ADAMTSL1: variants seen among roughly 807,000 people sequenced by gnomAD.
The protein encoded by ADAMTSL1 is ADAMTS-like protein 1.
ADAMTSL1 carries 126 observed loss-of-function variants against 201.8 expected under a neutral mutation model. The observed-to-expected ratio is 0.62, with a 90% CI of 0.54 to 0.72. The LOEUF (loss-of-function observed/expected upper bound fraction) is 0.72. ADAMTSL1 is among the 30% of genes least tolerant of loss of function. ADAMTSL1 has a pLI of 0.00. For missense variants in ADAMTSL1, 2,679 were observed against 2,277.8 expected (o/e 1.18, Z -3.59); for synonymous variants, 1,121 against 903.4 (o/e 1.24, Z -4.32).
At chr9:18,477,413 G>GTCAAACACAA (rs1821507666) in intron 1 of ADAMTSL1, among the ~76,000 whole-genome samples, 1 of 152,134 alleles carries the variant, frequency 6.6e-6, no homozygotes, top group South Asian at 2.1e-4. Context: ...ATGGCAACTA[G>GTCAAACACAA]TCAAACACAA....
intron 2 of ADAMTSL1, among the ~76,000 whole-genome samples, chr9:18,431,269 G>C (rs554781101): frequency 6.6e-6 from 1 of 152,204 alleles, no homozygotes; most frequent in Non-Finnish European, 1.5e-5. Flanking sequence ...TGCAGATGCA[G>C]TAGAGTGCTG....
intron 4 of ADAMTSL1, among the ~76,000 whole-genome samples, chr9:18,580,361 C>G (rs1823021493): frequency 6.6e-6 from 1 of 152,106 alleles, no homozygotes; most frequent in African/African-American, 2.4e-5. Context: ...ATGATTATTT[C>G]TCCATCTCTG....
chr9:18,075,672 C>T (rs757063551), intron 1 of ADAMTSL1, among the ~76,000 whole-genome samples: 14 of 152,146 alleles, frequency 9.2e-5, no homozygotes, highest in Non-Finnish European at 1.0e-4. Flanking sequence ...TAGCCAACAT[C>T]GGAAAATGGA....
chr9:18,447,885 C>G (rs751444284), intron 2 of ADAMTSL1, among the ~76,000 whole-genome samples: 21 of 152,164 alleles, frequency 1.4e-4, no homozygotes, highest in Non-Finnish European at 2.9e-4. Flanking sequence ...TTGCAGGTGT[C>G]GAGCACACAT....
intron 1 of ADAMTSL1, among the ~76,000 whole-genome samples, chr9:17,992,516 G>A (rs2131503341): frequency 6.6e-6 from 1 of 152,266 alleles, no homozygotes; most frequent in Middle Eastern, 3.4e-3. Flanking sequence ...GAAGCTGGAT[G>A]CAGTGATCCC....
intron 1 of ADAMTSL1, among the ~76,000 whole-genome samples, chr9:18,103,849 T>G (rs766895823): frequency 2.0e-5 from 3 of 152,158 alleles, no homozygotes; most frequent in Non-Finnish European, 4.4e-5. Flanking sequence ...ACTAGACCCA[T>G]AGGTGGTCTA....
intron 2 of ADAMTSL1, among the ~76,000 whole-genome samples, chr9:18,172,213 A>T (rs1230934329): frequency 1.3e-5 from 2 of 152,030 alleles, no homozygotes; most frequent in African/African-American, 4.8e-5. Flanking sequence ...CAACCATGGC[A>T]CGTGTATACC....
intron 3 of ADAMTSL1, among the ~76,000 whole-genome samples, chr9:18,554,219 T>C (rs1820968079): frequency 6.6e-6 from 1 of 151,778 alleles, no homozygotes; most frequent in Admixed American, 6.6e-5. Flanking sequence ...CTTTCAAAAT[T>C]CTTCTTAAAA....
In ADAMTSL1 at chr9:18,416,238, ACCTAGTTCT is replaced by A. The variant is rs369719394; in HGVS notation, c.208-88589_208-88581del. Among the ~76,000 whole-genome samples, 459 of 152,160 alleles carry A rather than the reference ACCTAGTTCT, an allele frequency of 3.0e-3. 1 individual carries two copies. The highest frequency in any genetic ancestry group is 0.01 in the African/African-American group (434 of 41,566). On this transcript the variant is annotated intron_variant, in intron 2 of 29. Transcript: ENST00000680146. Reference sequence around the variant, plus strand: ...GTAGTATGGAAGTTATAACGTAGGTACCTAGTTCTCATGAGAGCTATTGTGATATCACTT... The same window carrying A: ...GTAGTATGGAAGTTATAACGTAGGTACATGAGAGCTATTGTGATATCACTT...
chr9:18,377,849 T>C (rs1563922434), intron 2 of ADAMTSL1, among the ~76,000 whole-genome samples: 1 of 152,192 alleles, frequency 6.6e-6, no homozygotes, highest in Non-Finnish European at 1.5e-5. Context: ...ATTACAGGCA[T>C]GAGTCACCAT....
rs1016263361 is a variant in ADAMTSL1 at position 18,227,270 on chromosome 9, T to C, written c.207+63289T>C. Among the ~76,000 whole-genome samples the C allele has an allele frequency of 2.6e-5, 4 of 152,262 alleles. No homozygotes were observed. In the East Asian group the frequency reaches 5.8e-4, roughly 22 times the overall value. Reference sequence around the variant, plus strand: ...CTCAGCAGTTATGGAATACCTACCATGTATATGATGCTTGGCTCTGTGCAT... The same window carrying C: ...CTCAGCAGTTATGGAATACCTACCACGTATATGATGCTTGGCTCTGTGCAT... On this transcript the variant is annotated intron_variant, in intron 2 of 29. Coordinates refer to the ADAMTSL1 transcript ENST00000680146.
At chr9:18,050,304 C>A (rs1821874758) in intron 1 of ADAMTSL1, among the ~76,000 whole-genome samples, 1 of 152,000 alleles carries the variant, frequency 6.6e-6, no homozygotes, top group South Asian at 2.1e-4. Flanking sequence ...GTATTCCTTT[C>A]TAAAAGTAAA....
chr9:18,549,232 A>C (rs1012597103), intron 3 of ADAMTSL1, among the ~76,000 whole-genome samples: 16 of 151,968 alleles, frequency 1.1e-4, no homozygotes, highest in Non-Finnish European at 1.3e-4. Context: ...CTACCAGAGA[A>C]AAGACAGAGT....
At chr9:18,460,888 A>G (rs113061445) in intron 2 of ADAMTSL1, among the ~76,000 whole-genome samples, 3,192 of 152,268 alleles carry the variant, frequency 0.021, 104 homozygotes, top group African/African-American at 0.072. Flanking sequence ...AATAATAAGA[A>G]ACCTAAATCA....
intron 19 of ADAMTSL1, among the ~76,000 whole-genome samples, chr9:18,785,324 C>T (rs1269912604): frequency 6.6e-6 from 1 of 152,204 alleles, no homozygotes; most frequent in African/African-American, 2.4e-5. Context: ...AATTAACATT[C>T]AATATTCTAG....
At chr9:18,378,040 T>C (rs566275906) in intron 2 of ADAMTSL1, among the ~76,000 whole-genome samples, 2 of 152,188 alleles carry the variant, frequency 1.3e-5, no homozygotes, top group East Asian at 1.9e-4. Context: ...CCCCCGATGA[T>C]GAGAACTTGA....
intron 1 of ADAMTSL1, among the ~76,000 whole-genome samples, chr9:17,938,506 T>C (rs1827104145): frequency 1.3e-5 from 2 of 152,170 alleles, no homozygotes; most frequent in Admixed American, 6.6e-5. Flanking sequence ...TTCTTCTTCA[T>C]TGTGTCAGGT....
chr9:18,286,996 G>T (rs992874053), intron 2 of ADAMTSL1, among the ~76,000 whole-genome samples: 12 of 152,038 alleles, frequency 7.9e-5, no homozygotes, highest in African/African-American at 2.9e-4. Context: ...GCCAGGATAG[G>T]CCAAGGGTAA....
At chr9:17,924,868 C>A (rs1660791757) in intron 1 of ADAMTSL1, among the ~76,000 whole-genome samples, 1 of 82,350 alleles carries the variant, frequency 1.2e-5, no homozygotes, top group Non-Finnish European at 2.5e-5. Context: ...TCTAATTAAA[C>A]TAAAGAGCTT....
Sources: gnomAD v4.1 joint callset for allele counts (sites outside exome capture counted in the v4.1 genomes callset) on GRCh38, gnomAD v4.1.1 for gene constraint, MANE v1.5 for transcripts, NCBI Gene and HGNC (gene_info 2026-07-23, HGNC 2026-07-21) for gene names.